The following NAALADL2 variants were observed in gnomAD, a reference collection of about 807,000 sequenced individuals.
The protein encoded by NAALADL2 is inactive N-acetylated-alpha-linked acidic dipeptidase-like protein 2.
In NAALADL2, 76 loss-of-function variants were observed where a neutral mutation model predicts 87.2. The ratio of observed to expected loss-of-function variants is 0.87; its 90% CI spans 0.72 to 1.05. The LOEUF (loss-of-function observed/expected upper bound fraction) is 1.05. Among genes scored for constraint, NAALADL2 ranks in the 50% least tolerant of loss-of-function variants. The pLI is 0.00. For missense variants in NAALADL2, 1,089 were observed against 945.8 expected (o/e 1.15, Z -1.99); for synonymous variants, 354 against 331.0 (o/e 1.07, Z -0.75).
chr3:175,469,609 A>G (rs898046198), intron 8 of NAALADL2, among the ~76,000 whole-genome samples: 7 of 152,076 alleles, frequency 4.6e-5, no homozygotes, highest in African/African-American at 1.4e-4. Flanking sequence ...AATAGGTTCT[A>G]TACTTTAAAA....
chr3:175,783,912 AG>A lies in NAALADL2; in HGVS notation c.2190-19090del, dbSNP rs1181474899. Reference sequence around the variant, plus strand: ...AATTTATTGAGAGTTTTTAGCATGAAGGGTTGTTGAATTTTGTCAAAGGCTT... The same window carrying A: ...AATTTATTGAGAGTTTTTAGCATGAAGGTTGTTGAATTTTGTCAAAGGCTT... On this transcript the variant is annotated intron_variant, in intron 13 of 13. Coordinates refer to ENST00000454872, the MANE Select transcript of NAALADL2 (RefSeq NM_207015.3). Among the ~76,000 whole-genome samples the A allele has an allele frequency of 2.1e-5, 3 of 142,014 alleles. No individual in the cohort carries two copies. The East Asian group carries it at 5.8e-4, about 27-fold the overall frequency. The allele number at this position is 142,014 out of a possible 152,430, so 93.2% of individuals were successfully genotyped here. A position where few individuals can be genotyped will look rare whatever the true frequency, so the allele number is the denominator to read the frequency against.
chr3:174,767,346 T>G (rs1020361801), intron 3 of NAALADL2, among the ~76,000 whole-genome samples: 1 of 152,202 alleles, frequency 6.6e-6, no homozygotes, highest in African/African-American at 2.4e-5. Context: ...TGAGATTCTT[T>G]TATTAATAGT....
intron 2 of NAALADL2, among the ~76,000 whole-genome samples, chr3:175,126,760 A>T (rs1260344532): frequency 6.6e-6 from 1 of 152,130 alleles, no homozygotes; most frequent in Non-Finnish European, 1.5e-5. Flanking sequence ...TAAACACATA[A>T]ATATTTGCAA....
chr3:174,452,521 G>A (rs1715555515), intron 1 of NAALADL2, among the ~76,000 whole-genome samples: 1 of 152,088 alleles, frequency 6.6e-6, no homozygotes, highest in Non-Finnish European at 1.5e-5. Context: ...ACCCATCGGT[G>A]TATAGTGACT....
intron 3 of NAALADL2, among the ~76,000 whole-genome samples, chr3:174,795,171 A>AT (rs567879768): frequency 2.6e-3 from 377 of 146,116 alleles, no homozygotes; most frequent in Admixed American, 4.3e-3. Flanking sequence ...TTTTTTTTGT[A>AT]TTTTTTGTAG....
intron 1 of NAALADL2, among the ~76,000 whole-genome samples, chr3:174,911,064 A>C (rs1385292797): frequency 6.6e-6 from 1 of 152,130 alleles, no homozygotes; most frequent in Non-Finnish European, 1.5e-5. Flanking sequence ...GCACTAAACC[A>C]CAAATCAGTG....
At chr3:175,419,241 G>A (rs1284166197) in intron 5 of NAALADL2, among the ~76,000 whole-genome samples, 1 of 151,712 alleles carries the variant, frequency 6.6e-6, no homozygotes, top group African/African-American at 2.4e-5. Context: ...TGAAATTCTT[G>A]TCCTGAAGCA....
chr3:174,985,628 A>G (rs1423591732), intron 1 of NAALADL2, among the ~76,000 whole-genome samples: 3 of 152,152 alleles, frequency 2.0e-5, no homozygotes, highest in South Asian at 2.1e-4. Context: ...ATATTGGATG[A>G]GATTTGAAAC....
intron 1 of NAALADL2, among the ~76,000 whole-genome samples, chr3:174,923,980 G>A (rs1291052460): frequency 6.6e-6 from 1 of 152,054 alleles, no homozygotes; most frequent in Non-Finnish European, 1.5e-5. Context: ...ATGGAATTGA[G>A]GCATAGGACT....
intron 3 of NAALADL2, among the ~76,000 whole-genome samples, chr3:174,847,129 A>T (rs1211495910): frequency 6.6e-6 from 1 of 152,160 alleles, no homozygotes; most frequent in East Asian, 1.9e-4. Flanking sequence ...AAAATACAAT[A>T]TGTTGGGCCA....
At position 175,154,357 on chromosome 3, in the gene NAALADL2, A is replaced by C. The variant is rs189110761; in HGVS notation, c.545+57066A>C. Among the ~76,000 whole-genome samples, 4 of 152,326 alleles carry C rather than the reference A, an allele frequency of 2.6e-5. No homozygotes were observed. In the East Asian group the frequency reaches 7.7e-4, roughly 29 times the overall value. On this transcript the variant is annotated intron_variant, in intron 2 of 13. Coordinates refer to ENST00000454872, the MANE Select transcript of NAALADL2 (RefSeq NM_207015.3). Reference sequence around the variant, plus strand: ...GTCTACCCAAAAAAGGTAAATCTTAATTCTTATAGAGACAACACACTGTTT... The same window carrying C: ...GTCTACCCAAAAAAGGTAAATCTTACTTCTTATAGAGACAACACACTGTTT...
chr3:175,693,749 G>T (rs1388223289), intron 11 of NAALADL2, among the ~76,000 whole-genome samples: 1 of 152,030 alleles, frequency 6.6e-6, no homozygotes. Flanking sequence ...GCCAGGCTGG[G>T]GTTCAGTGGT....
intron 1 of NAALADL2, among the ~76,000 whole-genome samples, chr3:175,028,254 A>G (rs984077143): frequency 6.6e-6 from 1 of 152,094 alleles, no homozygotes; most frequent in East Asian, 1.9e-4. Context: ...TGAAACATGT[A>G]CCCTACAGCA....
intron 3 of NAALADL2, among the ~76,000 whole-genome samples, chr3:174,781,025 C>G (rs1224630414): frequency 1.3e-5 from 2 of 151,994 alleles, no homozygotes; most frequent in Non-Finnish European, 2.9e-5. Flanking sequence ...TTTTATTTCT[C>G]CTTCCCTTAT....
At chr3:175,589,476 C>A (rs1195314554) in intron 10 of NAALADL2, among the ~76,000 whole-genome samples, 1 of 151,316 alleles carries the variant, frequency 6.6e-6, no homozygotes, top group African/African-American at 2.4e-5. Flanking sequence ...TCTGTTTCTT[C>A]TTTTTTAAAT....
At chr3:175,191,894 G>A (rs1013364354) in intron 2 of NAALADL2, among the ~76,000 whole-genome samples, 3 of 152,018 alleles carry the variant, frequency 2.0e-5, no homozygotes, top group Non-Finnish European at 2.9e-5. Flanking sequence ...TATCCCCATG[G>A]AAAGCTTCTC....
At position 175,047,628 on chromosome 3, in the gene NAALADL2, T is replaced by A. The variant is rs561155482; in HGVS notation, c.44-49162T>A. Among the ~76,000 whole-genome samples, 12 of 152,298 alleles carry A rather than the reference T, an allele frequency of 7.9e-5. No individual in the cohort carries two copies. The South Asian group carries it at 2.5e-3, about 32-fold the overall frequency. On this transcript the variant is annotated intron_variant, in intron 1 of 13. Coordinates refer to ENST00000454872, the MANE Select transcript of NAALADL2 (RefSeq NM_207015.3). The stretch of plus-strand genomic sequence containing the variant: ...ACTTTGTAAATGTACCCAAACTCAC[T>A]CTAAAGTTTTAGTGTCTCAGACGGT...
intron 11 of NAALADL2, among the ~76,000 whole-genome samples, chr3:175,652,818 A>G (rs1035188518): frequency 2.6e-5 from 4 of 152,172 alleles, no homozygotes; most frequent in Admixed American, 2.0e-4. Flanking sequence ...TTACAAAGAT[A>G]CAATAGGCAG....
At chr3:174,718,499 G>A (rs1731412563) in intron 2 of NAALADL2, among the ~76,000 whole-genome samples, 1 of 152,118 alleles carries the variant, frequency 6.6e-6, no homozygotes, top group South Asian at 2.1e-4. Context: ...TGAAATCATG[G>A]TAATGGAGCA....
Sources: gnomAD v4.1 joint callset for allele counts (sites outside exome capture counted in the v4.1 genomes callset) on GRCh38, gnomAD v4.1.1 for gene constraint, MANE v1.5 for transcripts, NCBI Gene and HGNC (gene_info 2026-07-23, HGNC 2026-07-21) for gene names.